The following COLEC12 variants were observed in gnomAD, a reference collection of about 807,000 sequenced individuals.
COLEC12 encodes collectin-12.
COLEC12 carries 33 observed loss-of-function variants against 71.1 expected under a neutral mutation model. The observed-to-expected ratio is 0.46, with a 90% CI of 0.35 to 0.62. The LOEUF is 0.62. Among genes scored for constraint, COLEC12 ranks in the 20% least tolerant of loss-of-function variants. The pLI is 0.00. For missense variants in COLEC12, 765 were observed against 916.1 expected (o/e 0.84, Z 2.13); for synonymous variants, 350 against 353.0 (o/e 0.99, Z 0.10).
chr18:334,645 A>G, intron 6 of COLEC12, 97 bp downstream of exon 6: 1 of 1,173,546 alleles, frequency 8.5e-7, no homozygotes, highest in Non-Finnish European at 1.1e-6. Flanking sequence ...AAACAAAAAC[A>G]AAAATAACAT....
chr18:416,023 T>C (rs892417803), intron 2 of COLEC12, among the ~76,000 whole-genome samples: 2 of 152,250 alleles, frequency 1.3e-5, no homozygotes, highest in African/African-American at 4.8e-5. Context: ...CTTGTCAGAC[T>C]ACTGATTTTC....
chr18:470,345 C>T (rs1917170867), intron 2 of COLEC12, among the ~76,000 whole-genome samples: 2 of 149,318 alleles, frequency 1.3e-5, no homozygotes, highest in African/African-American at 5.0e-5. Context: ...AATTCTCCTG[C>T]CTCAGCCTCC....
At chr18:372,105 G>A (rs1259342253) in intron 2 of COLEC12, among the ~76,000 whole-genome samples, 3 of 152,060 alleles carry the variant, frequency 2.0e-5, no homozygotes, top group East Asian at 1.9e-4. Context: ...GACCCCACCC[G>A]CCTATCCCAC....
intron 2 of COLEC12, among the ~76,000 whole-genome samples, chr18:401,482 C>T (rs1005906541): frequency 5.3e-5 from 8 of 152,060 alleles, no homozygotes; most frequent in Admixed American, 3.9e-4. Flanking sequence ...ATGTTACAGC[C>T]AAGGCTTCTC....
intron 2 of COLEC12, among the ~76,000 whole-genome samples, chr18:372,629 G>C (rs1333235457): frequency 6.6e-6 from 1 of 152,080 alleles, no homozygotes; most frequent in East Asian, 1.9e-4. Context: ...TATTGCCCCG[G>C]CTGGTCTCAA....
At chr18:493,687 C>G (rs7239273) in intron 1 of COLEC12, among the ~76,000 whole-genome samples, 6 of 152,064 alleles carry the variant, frequency 3.9e-5, no homozygotes, top group African/African-American at 1.4e-4. Context: ...AAGTTAATAC[C>G]AAATATTTGT....
In COLEC12 at chr18:331,717, C is replaced by T. The variant is rs149622251; in HGVS notation, c.2014G>A (p.Glu672Lys). The T allele has an allele frequency of 4.3e-3, 6,913 of 1,614,036 alleles. 20 individuals carry two copies. Among genetic ancestry groups the T allele is most frequent in the Non-Finnish European group, 5.4e-3 (6,417 of 1,179,892 alleles). ...AGCCACTTCCATTCATTTTCACGCT[C>T]TGAGTCTGTGAGGCCGATCCAGTGG... is the stretch of plus-strand genomic sequence containing the variant. ...ESHWIGLTDS[E>K]RENEWKWLDG... is the part of the protein sequence containing the mutation. Residue 672 changes from glutamate (E) to lysine (K), a missense_variant, in exon 8 of 10, where the codon GAG (glutamate) becomes AAG (lysine). Glu to Lys is a moderately conservative substitution (Grantham distance 56). Coordinates refer to ENST00000400256, the MANE Select transcript of COLEC12 (RefSeq NM_130386.3).
intron 2 of COLEC12, among the ~76,000 whole-genome samples, chr18:427,103 A>G (rs1916212791): frequency 6.6e-6 from 1 of 152,298 alleles, no homozygotes. Context: ...GGTGTACTCA[A>G]TATTTTCTGC....
chr18:371,402 A>C (rs1914996062), intron 2 of COLEC12, among the ~76,000 whole-genome samples: 1 of 151,772 alleles, frequency 6.6e-6, no homozygotes, highest in Non-Finnish European at 1.5e-5. Context: ...ATCTGTTTCT[A>C]CTCCTGCTCA....
In COLEC12 at chr18:351,533, G is replaced by A. The variant is rs532931607; in HGVS notation, c.182-3370C>T. ...TTAGCTCAGTGTGTGGCACTTTGTA[G>A]GTAGTCAATGAATATATATTTATTA... On this transcript the variant is annotated intron_variant, in intron 3 of 9. Transcript: ENST00000400256. Among the ~76,000 whole-genome samples the A allele has an allele frequency of 6.6e-5, 10 of 152,110 alleles. No individual in the cohort carries two copies. In the South Asian group the frequency reaches 2.1e-3, roughly 32 times the overall value.
chr18:427,544 T>C (rs750366424), intron 2 of COLEC12, among the ~76,000 whole-genome samples: 34 of 152,246 alleles, frequency 2.2e-4, no homozygotes, highest in Admixed American at 5.9e-4. Flanking sequence ...CTGGAGTCCC[T>C]AGACGGTGGT....
chr18:363,318 C>T (rs1014838951), intron 2 of COLEC12, among the ~76,000 whole-genome samples: 3 of 152,174 alleles, frequency 2.0e-5, no homozygotes, highest in African/African-American at 7.2e-5. Flanking sequence ...GGATACATTG[C>T]AGATCCATCC....
intron 2 of COLEC12, among the ~76,000 whole-genome samples, chr18:383,449 G>A (rs965877905): frequency 1.3e-5 from 2 of 151,964 alleles, no homozygotes; most frequent in Non-Finnish European, 2.9e-5. Context: ...AGTCCCAGAG[G>A]ACAAAATACA....
In COLEC12 at chr18:334,907, C is replaced by A; in HGVS notation, c.1651G>T (p.Gly551Cys). The change falls in exon 6 of 10, where the codon GGC becomes TGC. Residue 551 changes from glycine (G) to cysteine (C), a missense_variant. Gly to Cys is a radical substitution (Grantham distance 159). Transcript: ENST00000400256. ...GGCACCCCAGGCTCCCCAACGGTGC[C>A]CTGAAGTCCCTGGAAGCCAGGAGGG... ...QGPPGFQGLQGTVGEPGVPGP... is the reference protein window; with the variant it reads ...QGPPGFQGLQCTVGEPGVPGP... The A allele has an allele frequency of 6.5e-7, 1 of 1,548,324 alleles. No individual in the cohort carries two copies. Among genetic ancestry groups the A allele is most frequent in the African/African-American group, 1.4e-5 (1 of 70,610 alleles).
chr18:439,473 CT>C (rs1237976368), intron 2 of COLEC12, among the ~76,000 whole-genome samples: 2 of 148,528 alleles, frequency 1.3e-5, no homozygotes, highest in African/African-American at 4.9e-5. Context: ...TTTTCTAAAC[CT>C]TATGGTCTCC....
intron 2 of COLEC12, among the ~76,000 whole-genome samples, chr18:460,886 G>A (rs1055592401): frequency 2.3e-4 from 35 of 152,144 alleles, no homozygotes; most frequent in African/African-American, 6.5e-4. Flanking sequence ...TCAGAGAAGC[G>A]CCGTATCCAA....
intron 2 of COLEC12, among the ~76,000 whole-genome samples, chr18:429,056 A>C (rs113607975): frequency 1.9e-3 from 293 of 152,344 alleles, no homozygotes; most frequent in African/African-American, 6.6e-3. Context: ...TGAGACTTTT[A>C]ATTCTTTAAA....
At chr18:456,866 G>C (rs549640326) in intron 2 of COLEC12, among the ~76,000 whole-genome samples, 1 of 152,046 alleles carries the variant, frequency 6.6e-6, no homozygotes, top group Non-Finnish European at 1.5e-5. Context: ...AACAAAATCC[G>C]GGTGGTAAGG....
At chr18:464,020 G>A (rs1467860955) in intron 2 of COLEC12, among the ~76,000 whole-genome samples, 4 of 152,080 alleles carry the variant, frequency 2.6e-5, no homozygotes, top group Non-Finnish European at 5.9e-5. Context: ...TCCCTTTCTT[G>A]GTTCTTTCTC....
Sources: allele counts gnomAD v4.1 joint callset (sites outside exome capture counted in the v4.1 genomes callset), GRCh38; gene constraint gnomAD v4.1.1; transcripts MANE v1.5; gene names NCBI Gene and HGNC (gene_info 2026-07-23, HGNC 2026-07-21).